Variants in CNTN3 observed in about 807,000 individuals in gnomAD.
The protein encoded by CNTN3 is contactin-3.
Under a neutral mutation model 119.1 loss-of-function variants are expected in CNTN3, and 60 were observed. The observed-to-expected ratio is 0.50, with a 90% CI of 0.41 to 0.62. The LOEUF (loss-of-function observed/expected upper bound fraction) is 0.62, where lower values mean the gene tolerates loss of function less well. Ranked by LOEUF, CNTN3 falls within the 20% of genes least tolerant of loss-of-function variation. CNTN3 has a pLI of 0.00. For missense variants in CNTN3, 1,101 were observed against 1,242.4 expected (o/e 0.89, Z 1.71); for synonymous variants, 450 against 438.7 (o/e 1.03, Z -0.32).
chr3:74,552,501 G>A (rs757828291), intron 1 of CNTN3, among the ~76,000 whole-genome samples: 4 of 152,282 alleles, frequency 2.6e-5, no homozygotes, highest in South Asian at 2.1e-4. Flanking sequence ...GGTAATATAT[G>A]TGTGGTGACA....
At chr3:74,323,593 A>T (rs1703050189) in intron 13 of CNTN3, among the ~76,000 whole-genome samples, 1 of 152,234 alleles carries the variant, frequency 6.6e-6, no homozygotes, top group South Asian at 2.1e-4. Context: ...GATACATTGC[A>T]TGGTATGGGA....
intron 9 of CNTN3, 117 bp from the exon 10 acceptor site, chr3:74,364,713 C>G: frequency 1.3e-6 from 1 of 781,698 alleles, no homozygotes; most frequent in Non-Finnish European, 2.0e-6. Flanking sequence ...GAGTATTAGA[C>G]AGGATGGCCT....
At chr3:74,344,652 G>C (rs1382442218) in intron 11 of CNTN3, among the ~76,000 whole-genome samples, 2 of 151,700 alleles carry the variant, frequency 1.3e-5, no homozygotes, top group African/African-American at 4.8e-5. Context: ...GTATAGACGA[G>C]GTTTCACCGT....
At position 74,467,830 on chromosome 3, in the gene CNTN3, G is replaced by A. The variant is rs1471876222; in HGVS notation, c.358+18626C>T. On this transcript the variant is annotated intron_variant, in intron 4 of 22. Coordinates refer to ENST00000263665, the MANE Select transcript of CNTN3 (RefSeq NM_020872.3). ...GTGACAGAAAAAATCCCAACAGAAC[G>A]GTAATAAAGGAACACTCCTACAGTG... 3.9e-5 allele frequency among the ~76,000 whole-genome samples: 6 copies of A among 152,026 alleles called. No homozygotes were observed. The East Asian group carries it at 1.2e-3, about 29-fold the overall frequency.
intron 4 of CNTN3, among the ~76,000 whole-genome samples, chr3:74,452,727 A>C (rs78794877): frequency 0.48 from 65,350 of 136,052 alleles, 16,214 homozygotes; most frequent in Non-Finnish European, 0.53. Flanking sequence ...TAGCATGAAG[A>C]GTTGTTGAAT....
chr3:74,401,409 A>G (rs1197454058), intron 5 of CNTN3, among the ~76,000 whole-genome samples: 1 of 152,178 alleles, frequency 6.6e-6, no homozygotes, highest in Non-Finnish European at 1.5e-5. Flanking sequence ...AAAGCAATTC[A>G]GCTCCAAGTC....
At chr3:74,412,998 G>A (rs1701462767) in intron 5 of CNTN3, among the ~76,000 whole-genome samples, 1 of 152,180 alleles carries the variant, frequency 6.6e-6, no homozygotes, top group South Asian at 2.1e-4. Context: ...AGAGCATATG[G>A]TGAATTACGT....
chr3:74,430,685 C>G (rs1363774142), intron 4 of CNTN3, among the ~76,000 whole-genome samples: 2 of 151,966 alleles, frequency 1.3e-5, no homozygotes, highest in African/African-American at 4.8e-5. Context: ...ATGAGGGATC[C>G]TTGTGGGACC....
At chr3:74,593,497 C>G (rs899569817) in intron 1 of CNTN3, among the ~76,000 whole-genome samples, 1 of 151,922 alleles carries the variant, frequency 6.6e-6, no homozygotes, top group East Asian at 1.9e-4. Flanking sequence ...GCTATAATGT[C>G]TATGTGCTCA....
At chr3:74,600,701 T>C (rs1487601989) in intron 1 of CNTN3, among the ~76,000 whole-genome samples, 1 of 151,998 alleles carries the variant, frequency 6.6e-6, no homozygotes, top group Non-Finnish European at 1.5e-5. Flanking sequence ...TAGTCAACAC[T>C]ACCCAAATCA....
intron 11 of CNTN3, among the ~76,000 whole-genome samples, chr3:74,346,733 ACATCCATCCATCCATCCATC>A (rs61572054): frequency 8.3e-5 from 12 of 144,510 alleles, no homozygotes; most frequent in East Asian, 4.2e-4. Context: ...ATCTCATTTG[ACATCCATCCATCCATCCATC>A]CATCCATCCA....
intron 1 of CNTN3, among the ~76,000 whole-genome samples, chr3:74,575,934 C>T (rs967318351): frequency 1.5e-4 from 23 of 152,062 alleles, no homozygotes; most frequent in African/African-American, 5.1e-4. Context: ...AAAGGATGGC[C>T]GACCTGGAAC....
intron 1 of CNTN3, among the ~76,000 whole-genome samples, chr3:74,558,243 G>A (rs1203475102): frequency 6.6e-6 from 1 of 152,166 alleles, no homozygotes; most frequent in Non-Finnish European, 1.5e-5. Flanking sequence ...CTGCATCATA[G>A]TTCACCTTCC....
At chr3:74,531,582 G>C (rs1054902485) in intron 1 of CNTN3, among the ~76,000 whole-genome samples, 1 of 151,998 alleles carries the variant, frequency 6.6e-6, no homozygotes, top group Admixed American at 6.6e-5. Context: ...ATTCATGAGA[G>C]TGAGAGAAAT....
chr3:74,574,925 CT>C (rs71625983), intron 1 of CNTN3, among the ~76,000 whole-genome samples: 13,244 of 145,322 alleles, frequency 0.091, 865 homozygotes, highest in African/African-American at 0.18. Context: ...GAAGCATTTT[CT>C]TTTTTTTTTT....
intron 5 of CNTN3, among the ~76,000 whole-genome samples, chr3:74,416,857 G>A (rs1049936316): frequency 2.6e-5 from 4 of 151,962 alleles, no homozygotes; most frequent in African/African-American, 9.7e-5. Context: ...GCATGGTGGC[G>A]TGTGGCTATA....
chr3:74,332,826 T>C (rs1209698873), intron 13 of CNTN3, among the ~76,000 whole-genome samples: 3 of 152,194 alleles, frequency 2.0e-5, no homozygotes, highest in Non-Finnish European at 4.4e-5. Context: ...TCTTCAATAA[T>C]TAAAAGTAGT....
At chr3:74,357,550 T>C (rs1256627590) in intron 11 of CNTN3, among the ~76,000 whole-genome samples, 3 of 152,136 alleles carry the variant, frequency 2.0e-5, no homozygotes, top group Admixed American at 2.0e-4. Flanking sequence ...CCCAAAGTGC[T>C]GGGATTACAG....
At chr3:74,308,445 T>C (rs940206269) in intron 13 of CNTN3, among the ~76,000 whole-genome samples, 1 of 152,196 alleles carries the variant, frequency 6.6e-6, no homozygotes, top group Admixed American at 6.5e-5. Flanking sequence ...TTACAGGATT[T>C]TGAGTCCCAG....
Sources: gnomAD v4.1 joint callset for allele counts (sites outside exome capture counted in the v4.1 genomes callset) on GRCh38, gnomAD v4.1.1 for gene constraint, MANE v1.5 for transcripts, NCBI Gene and HGNC (gene_info 2026-07-23, HGNC 2026-07-21) for gene names.